The following SLC22A3 variants were observed in gnomAD, a reference collection of about 807,000 sequenced individuals.
SLC22A3 encodes the protein solute carrier family 22 member 3, also known as EMT organic cation transporter 3.
SLC22A3 carries 51 observed loss-of-function variants against 59.1 expected under a neutral mutation model. That is an observed-to-expected ratio of 0.86 (90% CI 0.69 to 1.09). The LOEUF is 1.09. Ranked by LOEUF, SLC22A3 falls within the 50% of genes least tolerant of loss-of-function variation. SLC22A3 has a pLI of 0.00. For missense variants in SLC22A3, 711 were observed against 726.3 expected, an observed-to-expected ratio of 0.98 and a Z score of 0.24; for synonymous variants, 325 against 292.0, an observed-to-expected ratio of 1.11 and a Z score of -1.15.
chr6:160,428,200 A>G (rs1015724756), intron 5 of SLC22A3, among the ~76,000 whole-genome samples: 1 of 152,094 alleles, frequency 6.6e-6, no homozygotes, highest in Non-Finnish European at 1.5e-5. Flanking sequence ...CTTTGCCAAT[A>G]CTGAGGCTGC....
At chr6:160,391,561 G>A (rs997946037) in intron 1 of SLC22A3, among the ~76,000 whole-genome samples, 5 of 152,100 alleles carry the variant, frequency 3.3e-5, no homozygotes, top group Admixed American at 6.5e-5. Context: ...ACCTGGGAGC[G>A]GCCAAGTCAA....
chr6:160,369,989 T>C lies in SLC22A3; in HGVS notation c.429+21141T>C, dbSNP rs141972894. Among the ~76,000 whole-genome samples the C allele has an allele frequency of 5.4e-3, 822 of 152,328 alleles. 8 individuals are homozygous for C. The highest frequency in any genetic ancestry group is 0.019 in the African/African-American group (800 of 41,574). ...TTACTGATTTGGCAGAGAGTAGTGC[T>C]GTCAGTTGGGCCCTCAGTTAGCTGC... On this transcript the variant is annotated intron_variant, in intron 1 of 10. Transcript: ENST00000275300.
chr6:160,399,044 C>G (rs1786643434), intron 2 of SLC22A3, among the ~76,000 whole-genome samples: 1 of 152,186 alleles, frequency 6.6e-6, no homozygotes, highest in Non-Finnish European at 1.5e-5. Flanking sequence ...ATCCTGTAGC[C>G]AATTGAAGAT....
intron 1 of SLC22A3, among the ~76,000 whole-genome samples, chr6:160,379,809 C>T (rs1244254957): frequency 1.3e-5 from 2 of 152,186 alleles, no homozygotes; most frequent in Non-Finnish European, 2.9e-5. Flanking sequence ...CTGACTATGT[C>T]ACCAGATTTT....
At chr6:160,349,743 C>T (rs112513709) in intron 1 of SLC22A3, among the ~76,000 whole-genome samples, 4,592 of 152,198 alleles carry the variant, frequency 0.03, 209 homozygotes, top group African/African-American at 0.095. Context: ...TTGTAATAAT[C>T]GGAACTCAGA....
intron 5 of SLC22A3, among the ~76,000 whole-genome samples, chr6:160,418,662 T>C (rs1583495486): frequency 6.6e-6 from 1 of 152,060 alleles, no homozygotes; most frequent in Non-Finnish European, 1.5e-5. Context: ...GTGGCAGCAG[T>C]TTTGGTTTCC....
chr6:160,450,033 C>T (rs1788890646), intron 10 of SLC22A3, among the ~76,000 whole-genome samples: 1 of 152,124 alleles, frequency 6.6e-6, no homozygotes, highest in South Asian at 2.1e-4. Context: ...CTATGTTCAG[C>T]GGTGCATGTA....
chr6:160,374,420 C>T (rs551252572), intron 1 of SLC22A3, among the ~76,000 whole-genome samples: 36 of 151,944 alleles, frequency 2.4e-4, no homozygotes, highest in Non-Finnish European at 4.3e-4. Context: ...TCCACCTCGC[C>T]GGGAGCTGCA....
intron 1 of SLC22A3, among the ~76,000 whole-genome samples, chr6:160,355,291 C>T (rs1480852048): frequency 2.0e-5 from 3 of 152,148 alleles, no homozygotes; most frequent in Non-Finnish European, 4.4e-5. Context: ...GCATCCTCCC[C>T]TAGGTCTGGT....
chr6:160,451,637 G>A lies in SLC22A3; in HGVS notation c.*581G>A, dbSNP rs750744865. 1 of 157,422 alleles carries A rather than the reference G, an allele frequency of 6.4e-6. No individual in the cohort carries two copies. Among genetic ancestry groups the A allele is most frequent in the Non-Finnish European group, 1.4e-5 (1 of 71,006 alleles). 9.8% of individuals were successfully genotyped at this position (157,422 alleles called of 1,614,324 possible). On this transcript the variant is annotated 3_prime_UTR_variant, in exon 11 of 11. Transcript: ENST00000275300. ...TGGTTTCCGCACACCTTCGCAATGT[G>A]AACAGGTCAGGAGTCCCTCCCGTCC...
Position 160,398,573 on chromosome 6 carries a change from C to T in SLC22A3, c.533+491C>T, listed in dbSNP as rs189700821. On this transcript the variant is annotated intron_variant, in intron 2 of 10. Transcript: ENST00000275300. ...GAAAAAAATATTTTTCCAAAAACCA[C>T]TAAAGGAGTTTTTTTCTATTATTTT... Among the ~76,000 whole-genome samples, 44 of 152,232 alleles carry T rather than the reference C, an allele frequency of 2.9e-4. No homozygotes were observed. In the East Asian group the frequency reaches 4.8e-3, roughly 17 times the overall value.
chr6:160,419,818 A>G (rs1230504023), intron 5 of SLC22A3, among the ~76,000 whole-genome samples: 1 of 152,252 alleles, frequency 6.6e-6, no homozygotes, highest in Non-Finnish European at 1.5e-5. Context: ...AAAATATGTC[A>G]GGACACTGGA....
At chr6:160,369,864 G>C (rs1320061382) in intron 1 of SLC22A3, among the ~76,000 whole-genome samples, 3 of 152,224 alleles carry the variant, frequency 2.0e-5, no homozygotes, top group Non-Finnish European at 4.4e-5. Context: ...GCACAAGAAG[G>C]AGTGTTTCTT....
intron 1 of SLC22A3, among the ~76,000 whole-genome samples, chr6:160,383,524 C>T (rs928047562): frequency 2.7e-5 from 4 of 150,050 alleles, no homozygotes; most frequent in African/African-American, 7.3e-5. Context: ...TGTGACTTCA[C>T]ATTCTATACA....
At chr6:160,439,515 C>G (rs1303554661) in intron 7 of SLC22A3, among the ~76,000 whole-genome samples, 1 of 152,142 alleles carries the variant, frequency 6.6e-6, no homozygotes, top group African/African-American at 2.4e-5. Flanking sequence ...CCCCAGAAAG[C>G]ATTCAAGGCT....
At chr6:160,389,159 C>G (rs887607944) in intron 1 of SLC22A3, among the ~76,000 whole-genome samples, 1 of 152,082 alleles carries the variant, frequency 6.6e-6, no homozygotes, top group African/African-American at 2.4e-5. Context: ...TGAAATATCT[C>G]GTATAGAAGG....
chr6:160,387,032 G>A (rs928066693), intron 1 of SLC22A3, among the ~76,000 whole-genome samples: 1 of 152,208 alleles, frequency 6.6e-6, no homozygotes, highest in African/African-American at 2.4e-5. Flanking sequence ...CAGCTGCTGT[G>A]ACTCATGCGC....
chr6:160,360,721 A>G (rs1784985977), intron 1 of SLC22A3, among the ~76,000 whole-genome samples: 5 of 152,152 alleles, frequency 3.3e-5, no homozygotes, highest in Admixed American at 3.3e-4. Context: ...CCTTTGCAAA[A>G]GCATTTAAGT....
intron 1 of SLC22A3, among the ~76,000 whole-genome samples, chr6:160,352,157 A>C (rs948022129): frequency 3.3e-5 from 5 of 152,204 alleles, no homozygotes; most frequent in East Asian, 1.9e-4. Flanking sequence ...GAAAGTTGCA[A>C]AATGGTCATT....
Sources: gnomAD v4.1 joint callset for allele counts (sites outside exome capture counted in the v4.1 genomes callset) on GRCh38, gnomAD v4.1.1 for gene constraint, MANE v1.5 for transcripts, NCBI Gene and HGNC (gene_info 2026-07-23, HGNC 2026-07-21) for gene names.